Variants in IQCM observed in about 807,000 individuals in gnomAD.
The protein encoded by IQCM is IQ domain-containing protein M.
A neutral mutation model predicts 57.6 loss-of-function variants in IQCM; 45 were observed. The ratio of observed to expected loss-of-function variants is 0.78; its 90% CI spans 0.62 to 1.00. IQCM has a LOEUF of 1.00. Among genes scored for constraint, IQCM ranks in the 50% least tolerant of loss-of-function variants. The pLI, the probability that IQCM is intolerant of heterozygous loss-of-function variation, is 0.00. For missense variants in IQCM, 468 were observed against 511.6 expected, an observed-to-expected ratio of 0.91 and a Z score of 0.82; for synonymous variants, 148 against 158.9, an observed-to-expected ratio of 0.93 and a Z score of 0.51.
intron 12 of IQCM, among the ~76,000 whole-genome samples, chr4:149,501,312 A>G (rs939773842): frequency 6.6e-6 from 1 of 152,224 alleles, no homozygotes; most frequent in Non-Finnish European, 1.5e-5. Flanking sequence ...TGTCTGGAAG[A>G]AAGCATATTT....
chr4:149,563,328 TTAAGGA>T (rs1470076431), intron 10 of IQCM, among the ~76,000 whole-genome samples: 7 of 152,160 alleles, frequency 4.6e-5, no homozygotes, highest in Admixed American at 2.0e-4. Context: ...AATTGCTAAG[TTAAGGA>T]TAAGTGAGGC....
intron 12 of IQCM, among the ~76,000 whole-genome samples, chr4:149,518,502 A>T (rs1023165011): frequency 6.6e-6 from 1 of 152,226 alleles, no homozygotes; most frequent in African/African-American, 2.4e-5. Flanking sequence ...GTAAATTCTT[A>T]CATCCTTTTT....
chr4:149,531,655 C>T (rs1579387381), intron 12 of IQCM, among the ~76,000 whole-genome samples: 2 of 151,940 alleles, frequency 1.3e-5, no homozygotes, highest in Non-Finnish European at 2.9e-5. Context: ...CATTTATCAC[C>T]AGCAACTGTT....
chr4:149,595,143 A>G (rs1443101737), intron 8 of IQCM, among the ~76,000 whole-genome samples: 1 of 152,088 alleles, frequency 6.6e-6, no homozygotes, highest in Non-Finnish European at 1.5e-5. Context: ...GTGCTCTTGT[A>G]TTGGATGCAT....
rs561752100 is a variant in IQCM, at chr4:149,478,828, A to G, written c.1229-45271T>C. Among the ~76,000 whole-genome samples, 23 of 152,270 alleles carry G rather than the reference A, an allele frequency of 1.5e-4. 1 individual carries two copies. The South Asian group carries it at 4.8e-3, about 32-fold the overall frequency. ...AATCAGTTAGTTATAATTAGGGGAA[A>G]TTTGGATATTAACATTAATGTGATT... On this transcript the variant is annotated intron_variant, in intron 12 of 13. Transcript: ENST00000636793.
At chr4:149,633,384 T>A (rs1359934947) in intron 7 of IQCM, among the ~76,000 whole-genome samples, 1 of 152,102 alleles carries the variant, frequency 6.6e-6, no homozygotes, top group Non-Finnish European at 1.5e-5. Flanking sequence ...GTTATCAATA[T>A]AAGTAAAAGG....
chr4:149,411,853 A>T (rs1437570067), intron 13 of IQCM, among the ~76,000 whole-genome samples: 1 of 152,176 alleles, frequency 6.6e-6, no homozygotes, highest in Non-Finnish European at 1.5e-5. Context: ...ATGTCCTATG[A>T]CACACAACTG....
At chr4:149,421,534 G>A (rs1016391316) in intron 13 of IQCM, among the ~76,000 whole-genome samples, 9 of 151,890 alleles carry the variant, frequency 5.9e-5, no homozygotes, top group African/African-American at 1.7e-4. Flanking sequence ...AAAATTTTAA[G>A]TGTTTTATAC....
intron 12 of IQCM, among the ~76,000 whole-genome samples, chr4:149,482,982 T>C (rs1001560704): frequency 8.6e-5 from 13 of 151,960 alleles, no homozygotes; most frequent in Non-Finnish European, 1.8e-4. Context: ...AATTTCTTCA[T>C]GGTTCAACCT....
At chr4:149,777,930 CA>C (rs1001931645) in intron 2 of IQCM, among the ~76,000 whole-genome samples, 1 of 150,006 alleles carries the variant, frequency 6.7e-6, no homozygotes, top group Non-Finnish European at 1.5e-5. Context: ...AAAAACAAAA[CA>C]AAAAAAAAGG....
At chr4:149,554,536 G>C (rs1220382865) in intron 10 of IQCM, among the ~76,000 whole-genome samples, 4 of 151,726 alleles carry the variant, frequency 2.6e-5, no homozygotes, top group African/African-American at 9.7e-5. Context: ...GGATGGTCTC[G>C]ATCTCCTGAC....
At chr4:149,723,358 T>C (rs1765611475) in intron 5 of IQCM, among the ~76,000 whole-genome samples, 1 of 152,044 alleles carries the variant, frequency 6.6e-6, no homozygotes, top group Admixed American at 6.6e-5. Context: ...TACTCCTCTC[T>C]TGTTCTAGTA....
intron 10 of IQCM, among the ~76,000 whole-genome samples, chr4:149,561,919 C>A (rs9999580): frequency 0.76 from 115,159 of 152,038 alleles, 44,082 homozygotes; most frequent in South Asian, 0.9. Flanking sequence ...TAAGTGAATA[C>A]ACTTTAGGAA....
intron 13 of IQCM, among the ~76,000 whole-genome samples, chr4:149,395,474 T>C (rs1022798969): frequency 2.0e-5 from 3 of 152,156 alleles, no homozygotes; most frequent in African/African-American, 7.2e-5. Context: ...GATTTACATA[T>C]GAGCATGCCG....
chr4:149,801,553 T>C (rs1278582172), intron 2 of IQCM, among the ~76,000 whole-genome samples: 1 of 152,052 alleles, frequency 6.6e-6, no homozygotes, highest in African/African-American at 2.4e-5. Flanking sequence ...TGGAGTACTA[T>C]TCATCCATAA....
chr4:149,480,510 G>A (rs1278501602), intron 12 of IQCM, among the ~76,000 whole-genome samples: 2 of 152,034 alleles, frequency 1.3e-5, no homozygotes, highest in African/African-American at 2.4e-5. Flanking sequence ...GTGAGAACAC[G>A]CAATATTGGT....
chr4:149,410,441 T>TGC (rs1560813020), intron 13 of IQCM, among the ~76,000 whole-genome samples: 1 of 150,574 alleles, frequency 6.6e-6, no homozygotes, highest in Non-Finnish European at 1.5e-5. Context: ...TGTGTGTGTG[T>TGC]ATTTAAATAT....
At chr4:149,699,971 T>C (rs1283367562) in intron 5 of IQCM, among the ~76,000 whole-genome samples, 5 of 151,962 alleles carry the variant, frequency 3.3e-5, no homozygotes, top group Non-Finnish European at 7.4e-5. Context: ...CCTAATGCCC[T>C]ACTTAAGTTC....
At chr4:149,383,274 G>T (rs1040709307) in intron 13 of IQCM, among the ~76,000 whole-genome samples, 4 of 152,018 alleles carry the variant, frequency 2.6e-5, no homozygotes, top group Non-Finnish European at 4.4e-5. Context: ...ATATATTTTT[G>T]ACTTTCTCCA....
Sources: gnomAD v4.1 joint callset for allele counts (sites outside exome capture counted in the v4.1 genomes callset) on GRCh38, gnomAD v4.1.1 for gene constraint, MANE v1.5 for transcripts, NCBI Gene and HGNC (gene_info 2026-07-23, HGNC 2026-07-21) for gene names.